The following ADCK1 variants were observed in gnomAD, a reference collection of about 807,000 sequenced individuals.
ADCK1 encodes the protein aarF domain-containing protein kinase 1.
A neutral mutation model predicts 52.3 loss-of-function variants in ADCK1; 41 were observed. The observed-to-expected ratio is 0.78, with a 90% CI of 0.61 to 1.02. The LOEUF is 1.02. ADCK1 is among the 50% of genes least tolerant of loss of function. ADCK1 has a pLI of 0.00. For synonymous variants in ADCK1, 250 were observed against 274.6 expected (o/e 0.91, Z 0.89); for missense variants, 658 against 679.5 (o/e 0.97, Z 0.35).
intron 1 of ADCK1, among the ~76,000 whole-genome samples, chr14:77,807,807 C>T (rs2081262470): frequency 6.6e-6 from 1 of 152,034 alleles, no homozygotes; most frequent in Admixed American, 6.6e-5. Flanking sequence ...CCATGCCCGG[C>T]AATTTTTGTA....
chr14:77,891,116 A>AT (rs1033593073), intron 5 of ADCK1, among the ~76,000 whole-genome samples: 2 of 151,924 alleles, frequency 1.3e-5, no homozygotes, highest in Non-Finnish European at 2.9e-5. Context: ...GATAGCCTCT[A>AT]TTTTTTCTCT....
At chr14:77,882,961 C>T (rs529517328) in intron 4 of ADCK1, among the ~76,000 whole-genome samples, 2 of 137,866 alleles carry the variant, frequency 1.5e-5, no homozygotes, top group South Asian at 5.3e-4. Flanking sequence ...ACACCACCCC[C>T]CCCCCCGTGC....
At chr14:77,900,467 A>G (rs1044906289) in intron 6 of ADCK1, 16 of 383,150 alleles carry the variant, frequency 4.2e-5, no homozygotes, top group African/African-American at 2.5e-4. Context: ...CACTCCTGTA[A>G]TCTCAGCTAC....
chr14:77,861,095 C>T (rs1566676421), intron 4 of ADCK1, among the ~76,000 whole-genome samples: 1 of 152,156 alleles, frequency 6.6e-6, no homozygotes, highest in Non-Finnish European at 1.5e-5. Flanking sequence ...CTTCTCCAGT[C>T]CCCTCCACCC....
chr14:77,874,936 G>A (rs529154110), intron 4 of ADCK1, among the ~76,000 whole-genome samples: 2 of 152,226 alleles, frequency 1.3e-5, no homozygotes, highest in Non-Finnish European at 1.5e-5. Flanking sequence ...CAATGAGAAC[G>A]AGAATGCAGA....
At chr14:77,882,622 G>A (rs2083053142) in intron 4 of ADCK1, among the ~76,000 whole-genome samples, 1 of 152,214 alleles carries the variant, frequency 6.6e-6, no homozygotes, top group Non-Finnish European at 1.5e-5. Context: ...TGGCCACGCT[G>A]TGGCATCTGG....
At chr14:77,867,088 C>T (rs1355686586) in intron 4 of ADCK1, among the ~76,000 whole-genome samples, 2 of 152,242 alleles carry the variant, frequency 1.3e-5, no homozygotes, top group Non-Finnish European at 2.9e-5. Flanking sequence ...CTGGAGCGCC[C>T]TGGCTGTGCC....
At chr14:77,863,329 G>A (rs1365925310) in intron 4 of ADCK1, among the ~76,000 whole-genome samples, 2 of 152,164 alleles carry the variant, frequency 1.3e-5, no homozygotes, top group Non-Finnish European at 2.9e-5. Context: ...TCTTTGAAAA[G>A]TGGAGGAAGA....
At position 77,924,497 on chromosome 14, in the gene ADCK1, T is replaced by C. The variant is rs1354535519; in HGVS notation, c.899T>C (p.Phe300Ser). The part of the protein sequence containing the change: ...HLGKMYSEMI[F>S]VNGFVHCDPH... ...GGCAAGATGTATAGTGAGATGATCT[T>C]CGTCAATGGCTTCGTGCACTGCGAT... is the stretch of plus-strand genomic sequence containing the variant. The change falls in exon 8 of 11, where the codon TTC (phenylalanine) becomes TCC (serine). Residue 300 changes from phenylalanine (F) to serine (S), a missense_variant. Phe to Ser is a radical substitution (Grantham distance 155). Coordinates refer to ENST00000238561, the MANE Select transcript of ADCK1 (RefSeq NM_020421.4). 6.2e-7 allele frequency: 1 copy of C among 1,614,158 alleles called. No homozygotes were observed. Among genetic ancestry groups the C allele is most frequent in the Admixed American group, 1.7e-5 (1 of 60,034 alleles).
At chr14:77,903,817 A>C (rs1487002976) in intron 6 of ADCK1, among the ~76,000 whole-genome samples, 1 of 152,206 alleles carries the variant, frequency 6.6e-6, no homozygotes, top group Non-Finnish European at 1.5e-5. Flanking sequence ...GAAGTATGAT[A>C]ACTTCCCATG....
At chr14:77,807,023 C>CCT (rs1406115152) in intron 1 of ADCK1, among the ~76,000 whole-genome samples, 1 of 142,254 alleles carries the variant, frequency 7.0e-6, no homozygotes, top group African/African-American at 2.7e-5. Context: ...CCTAAGATAG[C>CCT]CACTCTCTCT....
intron 1 of ADCK1, among the ~76,000 whole-genome samples, chr14:77,805,073 G>A (rs545597147): frequency 6.6e-6 from 1 of 151,810 alleles, no homozygotes; most frequent in African/African-American, 2.4e-5. Context: ...GGACGTGGTG[G>A]CGCATGCCTG....
At chr14:77,864,432 A>T (rs1165133687) in intron 4 of ADCK1, among the ~76,000 whole-genome samples, 1 of 152,172 alleles carries the variant, frequency 6.6e-6, no homozygotes, top group African/African-American at 2.4e-5. Context: ...GCAGAAGTGG[A>T]GAGATGAGGC....
chr14:77,889,059 C>A (rs796481533), intron 5 of ADCK1, among the ~76,000 whole-genome samples: 2 of 152,306 alleles, frequency 1.3e-5, no homozygotes, highest in African/African-American at 2.4e-5. Context: ...TATAAAAGGG[C>A]AGTCCCCCTG....
At chr14:77,824,181 A>C (rs899594099) in intron 3 of ADCK1, among the ~76,000 whole-genome samples, 2 of 152,166 alleles carry the variant, frequency 1.3e-5, no homozygotes, top group African/African-American at 4.8e-5. Flanking sequence ...AACAGGTGTG[A>C]GCCACCATGC....
At chr14:77,807,311 G>A (rs1405131226) in intron 1 of ADCK1, among the ~76,000 whole-genome samples, 7 of 146,098 alleles carry the variant, frequency 4.8e-5, no homozygotes, top group African/African-American at 1.0e-4. Flanking sequence ...CTCGTGATCC[G>A]CCCGCCTCGG....
chr14:77,819,295 C>A (rs187735962), intron 2 of ADCK1, among the ~76,000 whole-genome samples, 182 bp downstream of exon 2: 9 of 152,306 alleles, frequency 5.9e-5, no homozygotes, highest in African/African-American at 2.2e-4. Context: ...TTCCTTTATT[C>A]CTGAACACAC....
chr14:77,878,947 G>C (rs112209594), intron 4 of ADCK1, among the ~76,000 whole-genome samples: 1 of 151,930 alleles, frequency 6.6e-6, no homozygotes, highest in Admixed American at 6.6e-5. Flanking sequence ...ATGAATGACA[G>C]CTCTACTGGA....
chr14:77,883,621 C>T (rs551641858), intron 4 of ADCK1, among the ~76,000 whole-genome samples: 1 of 152,206 alleles, frequency 6.6e-6, no homozygotes, highest in East Asian at 1.9e-4. Context: ...TGTGTGTGTG[C>T]TTGCTTAAGC....
Sources: allele counts gnomAD v4.1 joint callset (sites outside exome capture counted in the v4.1 genomes callset), GRCh38; gene constraint gnomAD v4.1.1; transcripts MANE v1.5; gene names NCBI Gene and HGNC (gene_info 2026-07-23, HGNC 2026-07-21).